PROCR: variants seen among roughly 807,000 people sequenced by gnomAD.
PROCR encodes the protein protein C receptor.
Under a neutral mutation model 24.2 loss-of-function variants are expected in PROCR, and 22 were observed. The observed-to-expected ratio is 0.91, with a 90% CI of 0.65 to 1.30. The LOEUF (loss-of-function observed/expected upper bound fraction) is 1.30. PROCR is among the 50% of genes most tolerant of loss of function. The pLI is 0.00. For synonymous variants in PROCR, 137 were observed against 139.2 expected, an observed-to-expected ratio of 0.98 and a Z score of 0.11; for missense variants, 288 against 307.7, an observed-to-expected ratio of 0.94 and a Z score of 0.48.
At position 35,175,545 on chromosome 20, in the gene PROCR, C is replaced by T. The variant is rs871480; in HGVS notation, c.322+592C>T. Among the ~76,000 whole-genome samples, 154 of 136,978 alleles carry T rather than the reference C, an allele frequency of 1.1e-3. 1 individual carries two copies. Among genetic ancestry groups the T allele is most frequent in the Middle Eastern group, 3.6e-3 (1 of 280 alleles). The allele number at this position is 136,978 out of a possible 152,430, so 89.9% of individuals were successfully genotyped here. On this transcript the variant is annotated intron_variant, in intron 2 of 3. Coordinates refer to ENST00000216968, the MANE Select transcript of PROCR (RefSeq NM_006404.5). Reference sequence around the variant, plus strand: ...CTTCCCCCACCATCATGGCCTTTAACTCCTTTCTCTCCTAGTCCCCCACCC... The same window carrying T: ...CTTCCCCCACCATCATGGCCTTTAATTCCTTTCTCTCCTAGTCCCCCACCC...
chr20:35,172,941 A>G (rs904538090), intron 1 of PROCR, among the ~76,000 whole-genome samples: 2 of 152,320 alleles, frequency 1.3e-5, no homozygotes, highest in South Asian at 4.1e-4. Flanking sequence ...GTATTGACCC[A>G]TTTAACTTGC....
At chr20:35,189,591 C>A (rs1328009126) in intron 1 of PROCR, among the ~76,000 whole-genome samples, 2 of 152,166 alleles carry the variant, frequency 1.3e-5, no homozygotes, top group Admixed American at 6.5e-5. Flanking sequence ...TATTCGTACA[C>A]TCCCTCCCCT....
rs151057985 is a variant in PROCR at position 35,186,097 on chromosome 20, G to C, written c.94+9651G>C. ...CAAGAAAATTGAAACATACATCCAT[G>C]CAAATACTTGTACATGAATGTTCAC... On this transcript the variant is annotated intron_variant, in intron 1 of 1. Transcript: ENST00000634509. Among the ~76,000 whole-genome samples the C allele has an allele frequency of 6.3e-3, 959 of 152,226 alleles. 11 individuals are homozygous for C. The highest frequency in any genetic ancestry group is 0.022 in the African/African-American group (918 of 41,514).
chr20:35,215,688 G>T (rs977133844), intron 1 of PROCR, among the ~76,000 whole-genome samples: 1 of 151,996 alleles, frequency 6.6e-6, no homozygotes, highest in Non-Finnish European at 1.5e-5. Context: ...GGTGTGTCGT[G>T]GGGTAGGTCA....
chr20:35,175,806 G>A (rs1034757587), intron 2 of PROCR, among the ~76,000 whole-genome samples: 5 of 151,496 alleles, frequency 3.3e-5, no homozygotes, highest in Admixed American at 2.0e-4. Context: ...GGCTGGTCTC[G>A]AACTCCTGAC....
At chr20:35,204,931 A>G (rs930908724) in intron 1 of PROCR, among the ~76,000 whole-genome samples, 8 of 152,140 alleles carry the variant, frequency 5.3e-5, no homozygotes, top group Non-Finnish European at 8.8e-5. Flanking sequence ...AAAAAATAAT[A>G]CTTCACTACT....
In PROCR at chr20:35,174,786, G is replaced by GA. The variant is rs748494748; in HGVS notation, c.156dup (p.His53ThrfsTer67). The GA allele has an allele frequency of 1.5e-5, 25 of 1,613,890 alleles. No individual in the cohort carries two copies. Among genetic ancestry groups the GA allele is most frequent in the African/African-American group, 2.7e-5 (2 of 74,850 alleles). ...TACCAGGGCAACGCGTCGCTGGGGG[G>GA]ACACCTAACGCACGTGCTGGAAGGC... On this transcript the variant is annotated frameshift_variant, in exon 2 of 4. Transcript: ENST00000216968. LOFTEE classifies it high-confidence loss of function.
At chr20:35,208,517 T>G (rs2060350124) in intron 1 of PROCR, among the ~76,000 whole-genome samples, 1 of 152,116 alleles carries the variant, frequency 6.6e-6, no homozygotes, top group African/African-American at 2.4e-5. Flanking sequence ...TTATCTGAAG[T>G]TGCCCTTTTA....
chr20:35,214,615 G>A (rs1411848019), intron 1 of PROCR, among the ~76,000 whole-genome samples: 1 of 151,382 alleles, frequency 6.6e-6, no homozygotes, highest in African/African-American at 2.4e-5. Flanking sequence ...CTTGAACCCA[G>A]GAGGTGGAGG....
intron 1 of PROCR, among the ~76,000 whole-genome samples, chr20:35,214,630 A>G (rs2060374480): frequency 6.7e-6 from 1 of 150,020 alleles, no homozygotes; most frequent in South Asian, 2.1e-4. Flanking sequence ...TGGAGGTTGC[A>G]GTGAGCCGAG....
intron 1 of PROCR, among the ~76,000 whole-genome samples, chr20:35,194,622 A>G (rs1280729554): frequency 2.6e-5 from 4 of 152,258 alleles, no homozygotes; most frequent in Non-Finnish European, 5.9e-5. Flanking sequence ...TTGCAAGCTC[A>G]CTACCAAGTT....
chr20:35,206,658 G>T (rs944515007), intron 1 of PROCR, among the ~76,000 whole-genome samples: 1 of 151,816 alleles, frequency 6.6e-6, no homozygotes, highest in Non-Finnish European at 1.5e-5. Flanking sequence ...CCACAGTAAG[G>T]TATGTCTATA....
At chr20:35,207,392 G>GTATATATA (rs11471756) in intron 1 of PROCR, among the ~76,000 whole-genome samples, 13 of 146,032 alleles carry the variant, frequency 8.9e-5, no homozygotes, top group African/African-American at 2.5e-4. Flanking sequence ...GTATGTTTGT[G>GTATATATA]TATATATATA....
chr20:35,186,566 C>CAAA (rs571639984), intron 1 of PROCR, among the ~76,000 whole-genome samples: 1 of 50,140 alleles, frequency 2.0e-5, no homozygotes, highest in Non-Finnish European at 4.0e-5. Flanking sequence ...AACTCCATCT[C>CAAA]AAAAAAAAAA....
chr20:35,213,333 A>G (rs1245751325), intron 1 of PROCR, among the ~76,000 whole-genome samples: 1 of 152,014 alleles, frequency 6.6e-6, no homozygotes, highest in Non-Finnish European at 1.5e-5. Flanking sequence ...ACTGTCTCAA[A>G]AAAAAAAAAG....
chr20:35,212,731 G>C (rs2060366962), intron 1 of PROCR, among the ~76,000 whole-genome samples: 1 of 152,166 alleles, frequency 6.6e-6, no homozygotes, highest in African/African-American at 2.4e-5. Flanking sequence ...AAATAATTTT[G>C]TGTTTGCACC....
At chr20:35,195,170 T>G (rs902744935) in intron 1 of PROCR, 11 of 152,158 alleles carry the variant, frequency 7.2e-5, no homozygotes, top group African/African-American at 2.7e-4. Context: ...TTATGTGAAG[T>G]AAAAATATTT....
At chr20:35,187,397 G>A (rs11167260) in intron 1 of PROCR, among the ~76,000 whole-genome samples, 13,959 of 152,178 alleles carry the variant, frequency 0.092, 731 homozygotes, top group South Asian at 0.16. Flanking sequence ...ATAATGTTGG[G>A]TAGCTGTAAG....
At chr20:35,183,505 T>G (rs1015237628) in intron 1 of PROCR, among the ~76,000 whole-genome samples, 10 of 152,220 alleles carry the variant, frequency 6.6e-5, no homozygotes, top group Admixed American at 6.5e-4. Flanking sequence ...CCATGCTTCC[T>G]GTACATCCTG....
Sources: gnomAD v4.1 joint callset for allele counts (sites outside exome capture counted in the v4.1 genomes callset) on GRCh38, gnomAD v4.1.1 for gene constraint, MANE v1.5 for transcripts, NCBI Gene and HGNC (gene_info 2026-07-23, HGNC 2026-07-21) for gene names.